Variants in DEPDC4 observed in about 807,000 individuals in gnomAD.
DEPDC4 encodes the protein DEP domain-containing protein 4.
A neutral mutation model predicts 52.0 loss-of-function variants in DEPDC4; 52 were observed. The observed-to-expected ratio is 1.00, with a 90% CI of 0.80 to 1.26. DEPDC4 has a LOEUF of 1.26. Among genes scored for constraint, DEPDC4 ranks in the 50% most tolerant of loss-of-function variants. The probability of loss-of-function intolerance (pLI) is 0.00; values close to 1 mark genes in which losing one functional copy is unlikely to be tolerated. For synonymous variants in DEPDC4, 201 were observed against 196.8 expected (o/e 1.02, Z -0.18); for missense variants, 530 against 546.9 (o/e 0.97, Z 0.31).
At chr12:100,246,367 T>C (rs1315786555) in intron 8 of DEPDC4, among the ~76,000 whole-genome samples, 6 of 152,204 alleles carry the variant, frequency 3.9e-5, no homozygotes, top group Admixed American at 6.5e-5. Flanking sequence ...ATTTTTATGA[T>C]TCATTGATAT....
At position 100,256,205 on chromosome 12, in the gene DEPDC4, A is replaced by C; in HGVS notation, c.722T>G (p.Leu241Ter). ...GTGAATCAATTGAAGAAGACATAATAATGTTTGTTCTTTCCAAACATCTTG... is the reference window on the plus strand; with the variant it reads ...GTGAATCAATTGAAGAAGACATAATCATGTTTGTTCTTTCCAAACATCTTG... ...SKEDVWKEQTLLCLLQLIHLP... is the reference protein window; with the variant it reads ...SKEDVWKEQT Residue 241 changes from leucine to a stop codon, truncating the protein, a stop_gained, in exon 4 of 10, where the codon TTA becomes TGA. Coordinates refer to ENST00000550587, the MANE Select transcript of DEPDC4 (RefSeq NM_001364818.2). LOFTEE classifies it high-confidence loss of function. 1 of 1,612,114 alleles carries C rather than the reference A, an allele frequency of 6.2e-7. No individual in the cohort carries two copies. Among genetic ancestry groups the C allele is most frequent in the Non-Finnish European group, 8.5e-7 (1 of 1,178,878 alleles).
chr12:100,250,609 C>T (rs554483307), intron 7 of DEPDC4, among the ~76,000 whole-genome samples: 3 of 152,108 alleles, frequency 2.0e-5, no homozygotes, highest in Admixed American at 1.3e-4. Flanking sequence ...ATGTCTGTAC[C>T]ATGTGTAGGA....
intron 8 of DEPDC4, among the ~76,000 whole-genome samples, chr12:100,243,398 C>T (rs1188122480): frequency 6.6e-6 from 1 of 152,206 alleles, no homozygotes; most frequent in Non-Finnish European, 1.5e-5. Flanking sequence ...CTCATGTCAT[C>T]CATTCAGTGC....
intron 3 of DEPDC4, chr12:100,261,632 T>C: frequency 2.2e-6 from 1 of 448,628 alleles, no homozygotes; most frequent in Non-Finnish European, 4.5e-6. Flanking sequence ...TGAGTCCGTA[T>C]GTTTTCTCTT....
rs549195319 is a variant in DEPDC4 at position 100,252,205 on chromosome 12, G to A, written c.1345C>T (p.Pro449Ser). 17 of 1,280,290 alleles carry A rather than the reference G, an allele frequency of 1.3e-5. No homozygotes were observed. The East Asian group carries it at 6.4e-4, about 49-fold the overall frequency. The allele number at this position is 1,280,290 out of a possible 1,614,324, so 79.3% of individuals were successfully genotyped here. Residue 449 changes from proline to serine, a missense_variant, in exon 7 of 10, where the codon CCA (proline) becomes TCA (serine). By Grantham distance (74) the Pro-to-Ser change is moderately conservative (BLOSUM62 -1). Transcript: ENST00000550587. Reference protein sequence around the residue: ...KVRAEQLVWFPLEYHSELFKT... With the variant: ...KVRAEQLVWFSLEYHSELFKT... ...AAGAGCTCAGAGTGGTACTCCAGTGGAAACCAGACCAGTTGTTCTGCCCGC... is the reference window on the plus strand; with the variant it reads ...AAGAGCTCAGAGTGGTACTCCAGTGAAAACCAGACCAGTTGTTCTGCCCGC...
At chr12:100,246,586 A>C (rs2096186432) in intron 8 of DEPDC4, among the ~76,000 whole-genome samples, 1 of 152,210 alleles carries the variant, frequency 6.6e-6, no homozygotes, top group Non-Finnish European at 1.5e-5. Flanking sequence ...AACTGAATGA[A>C]TAGATGGACA....
intron 4 of DEPDC4, among the ~76,000 whole-genome samples, chr12:100,254,560 C>T (rs115895144): frequency 6.6e-6 from 1 of 152,086 alleles, no homozygotes; most frequent in African/African-American, 2.4e-5. Context: ...CTTCTGGACT[C>T]AAGCGATCCA....
At chr12:100,246,638 T>C (rs58975914) in intron 8 of DEPDC4, among the ~76,000 whole-genome samples, 4,856 of 152,258 alleles carry the variant, frequency 0.032, 263 homozygotes, top group African/African-American at 0.11. Context: ...TCAATACTCA[T>C]GAATTTCAAG....
chr12:100,281,702 C>T, the DEPDC4 span, among the ~76,000 whole-genome samples: 11 of 151,892 alleles, frequency 7.2e-5, no homozygotes, highest in African/African-American at 1.7e-4. Context: ...GGCGTGGTAG[C>T]GGGCGCCTGT....
Position 100,263,574 on chromosome 12 carries a change from C to A in DEPDC4, c.477G>T (p.Arg159Ser), listed in dbSNP as rs770621384. The A allele has an allele frequency of 6.2e-7, 1 of 1,613,464 alleles. No individual in the cohort carries two copies. The highest frequency in any genetic ancestry group is 8.5e-7 in the Non-Finnish European group (1 of 1,179,830). ...CGTAAGATGATTTATTGCCTAGAAA[C>A]CTGTAGAGACTAATGTTGGAATCTT... Reference protein sequence around the residue: ...EFEDSNISLYRFLGNKSSYDC... With the variant: ...EFEDSNISLYSFLGNKSSYDC... Residue 159 changes from arginine (R) to serine (S), a missense_variant, in exon 2 of 10, where the codon AGG (arginine) becomes AGT (serine). Arg to Ser is a moderately radical substitution (Grantham distance 110). Transcript: ENST00000550587.
chr12:100,267,193 C>T, upstream of DEPDC4: 5 of 1,129,018 alleles, frequency 4.4e-6, no homozygotes, highest in South Asian at 1.5e-5. Context: ...TTTCCCCCTC[C>T]CTTACTCTTC....
chr12:100,249,021 T>C (rs1366222791), intron 7 of DEPDC4, 43 bp from the exon 8 acceptor site: 2 of 848,958 alleles, frequency 2.4e-6, no homozygotes, highest in Non-Finnish European at 2.8e-6. Context: ...TATGATTTTT[T>C]TCTAGCCAGC....
chr12:100,266,839 G>C, intron 1 of DEPDC4, 81 bp downstream of exon 1: 1 of 1,513,702 alleles, frequency 6.6e-7, no homozygotes, highest in South Asian at 1.3e-5. Context: ...GGACCAATGA[G>C]GAGCAGAGTC....
chr12:100,258,335 T>C (rs1369695461), intron 3 of DEPDC4, among the ~76,000 whole-genome samples: 1 of 151,796 alleles, frequency 6.6e-6, no homozygotes, highest in Non-Finnish European at 1.5e-5. Context: ...GAAAAATATA[T>C]ACAAATTAGA....
intron 9 of DEPDC4, among the ~76,000 whole-genome samples, chr12:100,232,385 G>C (rs2096136022): frequency 6.9e-6 from 1 of 144,222 alleles, no homozygotes; most frequent in African/African-American, 2.6e-5. Flanking sequence ...GACAGAGCAA[G>C]ACTCCGTCTC....
the DEPDC4 span, among the ~76,000 whole-genome samples, chr12:100,281,200 C>A: frequency 6.6e-6 from 1 of 151,498 alleles, no homozygotes. Context: ...GGCTAATTTT[C>A]GAATTTTTTG....
At chr12:100,249,677 G>A (rs1030879277) in intron 7 of DEPDC4, among the ~76,000 whole-genome samples, 7 of 152,084 alleles carry the variant, frequency 4.6e-5, no homozygotes, top group South Asian at 2.1e-4. Context: ...ATCCTGGCTC[G>A]CAGGCTACCT....
chr12:100,240,287 T>G lies in DEPDC4; in HGVS notation c.*1605A>C, dbSNP rs1358149401. ...CTCCCACCTCAGCCTCCTGAGTAGCTGGGACTATAGGTGTGGGCTGCCACA... is the reference window on the plus strand; with the variant it reads ...CTCCCACCTCAGCCTCCTGAGTAGCGGGGACTATAGGTGTGGGCTGCCACA... On this transcript the variant is annotated 3_prime_UTR_variant, in exon 10 of 10. Transcript: ENST00000550587. Among the ~76,000 whole-genome samples, 1 of 152,240 alleles carries G rather than the reference T, an allele frequency of 6.6e-6. No individual in the cohort carries two copies. Among genetic ancestry groups the G allele is most frequent in the East Asian group, 1.9e-4 (1 of 5,174 alleles).
At chr12:100,257,903 T>A (rs1479145785) in intron 3 of DEPDC4, 1 of 152,202 alleles carries the variant, frequency 6.6e-6, no homozygotes, top group Non-Finnish European at 1.5e-5. Context: ...CATGATCTGT[T>A]TGGTTATAAA....
Sources: gnomAD v4.1 joint callset for allele counts (sites outside exome capture counted in the v4.1 genomes callset) on GRCh38, gnomAD v4.1.1 for gene constraint, MANE v1.5 for transcripts, NCBI Gene and HGNC (gene_info 2026-07-23, HGNC 2026-07-21) for gene names.